Variants in TUBGCP2 observed in about 807,000 individuals in gnomAD.
The protein encoded by TUBGCP2 is tubulin gamma complex component 2, also known as gamma-tubulin complex component 2.
TUBGCP2 carries 55 observed loss-of-function variants against 92.2 expected under a neutral mutation model. The ratio of observed to expected loss-of-function variants is 0.60; its 90% CI spans 0.48 to 0.75. The LOEUF is 0.75. Ranked by LOEUF, TUBGCP2 falls within the 30% of genes least tolerant of loss-of-function variation. The pLI is 0.00. For synonymous variants in TUBGCP2, 533 were observed against 505.2 expected, an observed-to-expected ratio of 1.06 and a Z score of -0.74; for missense variants, 1,093 against 1,188.9, an observed-to-expected ratio of 0.92 and a Z score of 1.19.
chr10:133,299,608 A>C lies in TUBGCP2; in HGVS notation c.280-5T>G. 6.3e-7 allele frequency: 1 copy of C among 1,594,452 alleles called. No individual in the cohort carries two copies. Among genetic ancestry groups the C allele is most frequent in the African/African-American group, 1.3e-5 (1 of 74,456 alleles). ...CTGTTGTAAGTACTGCAGAGTCTGA[A>C]AACATGTAAAACTGTGTGTTCACAC... On this transcript the variant is annotated splice_polypyrimidine_tract_variant and splice_region_variant and intron_variant, in intron 3 of 17. Transcript: ENST00000252936.
At chr10:133,303,373 T>G (rs1847726617) in intron 1 of TUBGCP2, among the ~76,000 whole-genome samples, 1 of 152,198 alleles carries the variant, frequency 6.6e-6, no homozygotes, top group Non-Finnish European at 1.5e-5. Flanking sequence ...CCAGGCGGCC[T>G]CCGCAGCTCC....
chr10:133,294,555 C>T (rs543153628), intron 5 of TUBGCP2, among the ~76,000 whole-genome samples: 15 of 152,242 alleles, frequency 9.9e-5, no homozygotes, highest in South Asian at 2.1e-4. Flanking sequence ...CCGTCACCAA[C>T]GCAAGCCCTT....
intron 5 of TUBGCP2, among the ~76,000 whole-genome samples, chr10:133,297,626 G>A (rs1847520836): frequency 6.6e-6 from 1 of 152,258 alleles, no homozygotes; most frequent in Non-Finnish European, 1.5e-5. Context: ...GATGCCTGCA[G>A]GTCTGCACCA....
At chr10:133,288,331 AGCAGGTGCCCACCC>A (rs1847185197) in intron 10 of TUBGCP2, 22 bp from the exon 11 acceptor site, 1 of 1,609,710 alleles carries the variant, frequency 6.2e-7, no homozygotes, top group Non-Finnish European at 8.5e-7. Flanking sequence ...AGCAGGCGTG[AGCAGGTGCCCACCC>A]GCAGGTGCCC....
At chr10:133,286,049 G>A (rs3008337) in intron 11 of TUBGCP2, among the ~76,000 whole-genome samples, 135,854 of 152,166 alleles carry the variant, frequency 0.89, 60,736 homozygotes, top group East Asian at 0.94. Context: ...TTAATCACTC[G>A]AGTATTTGCT....
rs926096234 is a variant in TUBGCP2, at chr10:133,293,168, G to A, written c.895C>T (p.Leu299=). The A allele has an allele frequency of 1.3e-5, 21 of 1,613,964 alleles. No homozygotes were observed. Among genetic ancestry groups the A allele is most frequent in the Non-Finnish European group, 1.8e-5 (21 of 1,180,054 alleles). ...ACCAGAATCAGGTGCTCCTTCACCA[G>A]GGTGCGCATGGCGGCCGCCAGGGCG... The part of the protein sequence containing the change: ...NHALAAAMRT[L]VKEHLILVSQ... The change falls in exon 7 of 18, where the codon CTG becomes TTG. Residue 299 remains leucine (L), a synonymous_variant. Coordinates refer to ENST00000252936, the MANE Select transcript of TUBGCP2 (RefSeq NM_006659.4).
rs765148945 is a variant in TUBGCP2, at chr10:133,302,774, A to C, written c.150+18T>G. ...CAGTGCTCACCCTGCACAGCGCTAC[A>C]CCAAGGGCAGTGCTCACCTTGGCAC... On this transcript the variant is annotated intron_variant, in intron 2 of 17. Coordinates refer to ENST00000252936, the MANE Select transcript of TUBGCP2 (RefSeq NM_006659.4). The C allele has an allele frequency of 3.1e-6, 5 of 1,612,074 alleles. No individual in the cohort carries two copies. The East Asian group carries it at 1.1e-4, about 36-fold the overall frequency.
Position 133,292,199 on chromosome 10 carries a change from G to GTGTCCCCCA in TUBGCP2, c.1214+291_1214+299dup, listed in dbSNP as rs1467498280. Among the ~76,000 whole-genome samples, 2 of 216 alleles carry GTGTCCCCCA rather than the reference G, an allele frequency of 9.3e-3. 1 individual carries two copies. Among genetic ancestry groups the GTGTCCCCCA allele is most frequent in the Non-Finnish European group, 0.021 (2 of 94 alleles). 0.1% of individuals were successfully genotyped at this position (216 alleles called of 152,430 possible). A position where few individuals can be genotyped will look rare whatever the true frequency, so the allele number is the denominator to read the frequency against. On this transcript the variant is annotated intron_variant, in intron 8 of 17. Coordinates refer to ENST00000252936, the MANE Select transcript of TUBGCP2 (RefSeq NM_006659.4). ...CACTCCGTGTCCCCCGTGTCCCTCC[G>GTGTCCCCCA]TGTCCCCCATGTCCCCGTGTCCCGG...
chr10:133,285,093 G>A lies in TUBGCP2; in HGVS notation c.2016C>T (p.Ser672=), dbSNP rs760962256. The change falls in exon 13 of 18, where the codon TCC becomes TCT. Residue 672 remains serine, a synonymous_variant. Coordinates refer to ENST00000252936, the MANE Select transcript of TUBGCP2 (RefSeq NM_006659.4). The surrounding 1 kb of genome is among the most constrained non-coding windows in gnomAD (Gnocchi z 6.8). ...GCAGAGGAAGAACGCACCACTGGGC[G>A]GAGTGCAGCGAGTGCTGCTTGGCGG... The part of the protein sequence containing the change: ...NKTAKQHSLH[S]AQWFAGAFTL... 23 of 1,605,992 alleles carry A rather than the reference G, an allele frequency of 1.4e-5. No homozygotes were observed. The highest frequency in any genetic ancestry group is 1.1e-4 in the East Asian group (5 of 44,682).
chr10:133,286,993 GAAAA>G (rs1847149521), intron 11 of TUBGCP2, among the ~76,000 whole-genome samples: 1 of 152,154 alleles, frequency 6.6e-6, no homozygotes, highest in Non-Finnish European at 1.5e-5. Context: ...AGAGAAAACA[GAAAA>G]ATACAGTCAA....
rs1847006286 is a variant in TUBGCP2, at chr10:133,282,351, G to A, written c.2290-9C>T. On this transcript the variant is annotated splice_polypyrimidine_tract_variant and intron_variant, in intron 15 of 17. Transcript: ENST00000252936. The stretch of plus-strand genomic sequence containing the variant: ...ATGCTCTGTGTAAATTTCTAGGGGG[G>A]GAGAGTCGCAAGGAAATGCTTCTGT... 2 of 1,581,470 alleles carry A rather than the reference G, an allele frequency of 1.3e-6. No individual in the cohort carries two copies. The highest frequency in any genetic ancestry group is 2.7e-5 in the African/African-American group (2 of 73,462).
At chr10:133,282,969 C>T (rs1847025411) in intron 15 of TUBGCP2, 109 bp downstream of exon 15, 1 of 1,453,064 alleles carries the variant, frequency 6.9e-7, no homozygotes, top group South Asian at 1.3e-5. Context: ...GCGGCTCCTC[C>T]ACGAACACAA....
intron 11 of TUBGCP2, among the ~76,000 whole-genome samples, chr10:133,286,743 A>C (rs1169824309): frequency 6.6e-6 from 1 of 152,214 alleles, no homozygotes; most frequent in Non-Finnish European, 1.5e-5. Context: ...CAGAAGGAAA[A>C]CCAGAAACTT....
intron 7 of TUBGCP2, 70 bp from the exon 8 acceptor site, chr10:133,292,758 G>A (rs1358027436): frequency 6.6e-7 from 1 of 1,524,262 alleles, no homozygotes; most frequent in Non-Finnish European, 8.8e-7. Flanking sequence ...CAACACTGCT[G>A]GGGCCCCTCA....
At chr10:133,309,253 C>A, upstream of TUBGCP2, 2 of 1,211,656 alleles carry the variant, frequency 1.7e-6, no homozygotes, top group South Asian at 3.0e-5. Flanking sequence ...GGGGCCGGAA[C>A]GTGGAGTGGG....
intron 8 of TUBGCP2, chr10:133,291,045 C>G (rs185942525): frequency 4.8e-6 from 1 of 207,700 alleles, no homozygotes; most frequent in Non-Finnish European, 9.7e-6. Flanking sequence ...ATCAGGAAAT[C>G]CAAGCACCAA....
At chr10:133,305,232 T>G (rs1847780831) in intron 1 of TUBGCP2, among the ~76,000 whole-genome samples, 1 of 152,192 alleles carries the variant, frequency 6.6e-6, no homozygotes, top group Non-Finnish European at 1.5e-5. Flanking sequence ...TTAGTGAAAG[T>G]ATTAAAGTCT....
intron 1 of TUBGCP2, among the ~76,000 whole-genome samples, chr10:133,307,473 G>A (rs72864798): frequency 0.04 from 6,074 of 152,354 alleles, 172 homozygotes; most frequent in Middle Eastern, 0.065. Context: ...TTTACAACTT[G>A]TGGAAAATGT....
At position 133,293,606 on chromosome 10, in the gene TUBGCP2, C is replaced by G; in HGVS notation, c.780G>C (p.Val260=). Residue 260 remains valine (V), a synonymous_variant, in exon 6 of 18, where the codon GTG becomes GTC. Transcript: ENST00000252936. ...TGGCGGCCACTGGGAGGATCCTGTG[C>G]ACCAGCTCCCTGATGGACAGGTCCA... is the stretch of plus-strand genomic sequence containing the variant. ...PNLDLSIREL[V]HRILPVAASY... 6.4e-7 allele frequency: 1 copy of G among 1,561,436 alleles called. No individual in the cohort carries two copies. The highest frequency in any genetic ancestry group is 8.7e-7 in the Non-Finnish European group (1 of 1,152,910).
Sources: allele counts gnomAD v4.1 joint callset (sites outside exome capture counted in the v4.1 genomes callset), GRCh38; gene constraint gnomAD v4.1.1; non-coding constraint Gnocchi (gnomAD v3.1); transcripts MANE v1.5; gene names NCBI Gene and HGNC (gene_info 2026-07-23, HGNC 2026-07-21).